The following HPSE2 variants were observed in gnomAD, a reference collection of about 807,000 sequenced individuals.
HPSE2 encodes heparanase 2 (inactive), also known as inactive heparanase-2.
Under a neutral mutation model 60.5 loss-of-function variants are expected in HPSE2, and 38 were observed. The observed-to-expected ratio is 0.63, with a 90% CI of 0.48 to 0.82. The LOEUF (loss-of-function observed/expected upper bound fraction) is 0.82, where lower values mean the gene tolerates loss of function less well. HPSE2 is among the 40% of genes least tolerant of loss of function. The pLI is 0.00. For missense variants in HPSE2, 713 were observed against 740.4 expected, an observed-to-expected ratio of 0.96 and a Z score of 0.43; for synonymous variants, 295 against 293.2, an observed-to-expected ratio of 1.01 and a Z score of -0.06.
At chr10:99,077,369 G>A (rs1391777545) in intron 3 of HPSE2, among the ~76,000 whole-genome samples, 1 of 152,068 alleles carries the variant, frequency 6.6e-6, no homozygotes, top group Admixed American at 6.6e-5. Context: ...CTTTCATGGA[G>A]TTCCATAAGT....
chr10:99,265,303 C>T, the HPSE2 span, among the ~76,000 whole-genome samples: 1 of 152,192 alleles, frequency 6.6e-6, no homozygotes, highest in Non-Finnish European at 1.5e-5. Context: ...GGACTCAGTC[C>T]ACCTGCACCC....
rs1564832912 is a variant in HPSE2, at chr10:99,132,204, AG to A, written c.610+12033del. On this transcript the variant is annotated intron_variant, in intron 3 of 11. Coordinates refer to ENST00000370552, the MANE Select transcript of HPSE2 (RefSeq NM_021828.5). ...AAGAAAGAAAGAAAGAGAGAGAGAG[AG>A]AGAGAGAGAGAGAGAGAGAGAGAGA... 1.6e-3 allele frequency among the ~76,000 whole-genome samples: 33 copies of A among 21,286 alleles called. 1 individual carries two copies. The highest frequency in any genetic ancestry group is 3.6e-3 in the South Asian group (1 of 274). 14.0% of individuals were successfully genotyped at this position (21,286 alleles called of 152,430 possible).
At chr10:99,158,906 T>G (rs1302910435) in intron 2 of HPSE2, among the ~76,000 whole-genome samples, 1 of 152,044 alleles carries the variant, frequency 6.6e-6, no homozygotes, top group Non-Finnish European at 1.5e-5. Flanking sequence ...ATAAATTCAA[T>G]CATATTAATA....
In HPSE2 at chr10:98,851,520, C is replaced by G. The variant is rs143452292; in HGVS notation, c.611-107464G>C. Among the ~76,000 whole-genome samples, 830 of 152,328 alleles carry G rather than the reference C, an allele frequency of 5.4e-3. 6 individuals are homozygous for G. The highest frequency in any genetic ancestry group is 0.019 in the African/African-American group (794 of 41,570). On this transcript the variant is annotated intron_variant, in intron 3 of 11. Transcript: ENST00000370552. ...GATTCTTCTGCTTTTCTTCTTTCTA[C>G]AAAGAGCAAATGTCTGTCACATAGA...
rs936703810 is a variant in HPSE2 at position 98,816,438 on chromosome 10, C to A, written c.611-72382G>T. On this transcript the variant is annotated intron_variant, in intron 3 of 11. Transcript: ENST00000370552. ...TAAATAGATTTAAAGTATTTTATGG[C>A]CCTTGTGTTGTCGAGTACATTATAA... Among the ~76,000 whole-genome samples, 6 of 151,948 alleles carry A rather than the reference C, an allele frequency of 3.9e-5. No homozygotes were observed. In the South Asian group the frequency reaches 8.3e-4, roughly 21 times the overall value.
chr10:99,160,666 G>A (rs1401438502), intron 2 of HPSE2, among the ~76,000 whole-genome samples: 6 of 151,934 alleles, frequency 3.9e-5, no homozygotes, highest in Non-Finnish European at 5.9e-5. Context: ...TTGGGAGGCC[G>A]AGGCGGGCGG....
intron 9 of HPSE2, among the ~76,000 whole-genome samples, chr10:98,544,375 G>A (rs1228490602): frequency 1.3e-5 from 2 of 152,164 alleles, no homozygotes; most frequent in Non-Finnish European, 2.9e-5. Context: ...ACAAGAGAAA[G>A]CAGGAAAGAT....
intron 3 of HPSE2, among the ~76,000 whole-genome samples, chr10:99,097,978 T>C (rs1208985635): frequency 1.3e-5 from 2 of 152,206 alleles, no homozygotes; most frequent in African/African-American, 4.8e-5. Context: ...CTATAACTTA[T>C]TTTTGAAGGT....
intron 5 of HPSE2, among the ~76,000 whole-genome samples, chr10:98,698,619 A>C (rs1178938983): frequency 1.3e-5 from 2 of 152,140 alleles, no homozygotes; most frequent in Non-Finnish European, 1.5e-5. Context: ...AAGCTAGCAG[A>C]AGGCAAGAAA....
the HPSE2 span, among the ~76,000 whole-genome samples, chr10:99,251,337 T>C: frequency 6.6e-6 from 1 of 152,124 alleles, no homozygotes; most frequent in African/African-American, 2.4e-5. Context: ...TTCAGAAATG[T>C]AATTAGTAAT....
At chr10:98,525,544 A>G (rs556444714) in intron 9 of HPSE2, among the ~76,000 whole-genome samples, 14 of 152,380 alleles carry the variant, frequency 9.2e-5, no homozygotes, top group Admixed American at 8.5e-4. Flanking sequence ...GAAAAGCTAC[A>G]GAAGAGAAAA....
At chr10:99,069,723 T>C (rs1379745013) in intron 3 of HPSE2, among the ~76,000 whole-genome samples, 1 of 151,780 alleles carries the variant, frequency 6.6e-6, no homozygotes, top group Non-Finnish European at 1.5e-5. Context: ...TCACATCTAG[T>C]ATTTACTTAG....
At chr10:99,189,787 G>A (rs1057106147) in intron 2 of HPSE2, among the ~76,000 whole-genome samples, 6 of 152,154 alleles carry the variant, frequency 3.9e-5, no homozygotes, top group Non-Finnish European at 7.3e-5. Context: ...AGGGAACAGT[G>A]CATCTCTTAT....
At position 98,949,791 on chromosome 10, in the gene HPSE2, C is replaced by T. The variant is rs533551223; in HGVS notation, c.610+194447G>A. Among the ~76,000 whole-genome samples the T allele has an allele frequency of 5.9e-5, 9 of 152,146 alleles. No homozygotes were observed. The East Asian group carries it at 1.2e-3, about 20-fold the overall frequency. On this transcript the variant is annotated intron_variant, in intron 3 of 11. Coordinates refer to ENST00000370552, the MANE Select transcript of HPSE2 (RefSeq NM_021828.5). ...TAAGTAAGATTATGAAGTCAGTTAG[C>T]GTTGGCCTGGAAGCACATGTGTTTT...
At chr10:98,957,308 C>T (rs972620576) in intron 3 of HPSE2, among the ~76,000 whole-genome samples, 2 of 152,138 alleles carry the variant, frequency 1.3e-5, no homozygotes, top group African/African-American at 4.8e-5. Context: ...TTGTAAGTCC[C>T]TATTAAATGT....
At chr10:98,906,706 C>A (rs1953826658) in intron 3 of HPSE2, among the ~76,000 whole-genome samples, 1 of 152,068 alleles carries the variant, frequency 6.6e-6, no homozygotes, top group Non-Finnish European at 1.5e-5. Context: ...GAGATCGAGA[C>A]CATTCTGGTC....
At chr10:98,739,094 T>C (rs1589741138) in intron 4 of HPSE2, among the ~76,000 whole-genome samples, 2 of 152,172 alleles carry the variant, frequency 1.3e-5, no homozygotes, top group South Asian at 4.2e-4. Flanking sequence ...AGTGATAGAC[T>C]AGAAAAAGAG....
At chr10:99,047,767 A>G (rs1258612262) in intron 3 of HPSE2, 1 of 836,902 alleles carries the variant, frequency 1.2e-6, no homozygotes, top group Admixed American at 1.7e-5. Context: ...GGATGCTTCA[A>G]AAGGCAAGAA....
chr10:98,551,171 G>T (rs954065199), intron 9 of HPSE2, among the ~76,000 whole-genome samples: 2 of 152,134 alleles, frequency 1.3e-5, no homozygotes, highest in Non-Finnish European at 2.9e-5. Flanking sequence ...TTGTTGGGAA[G>T]CTTGATCTTT....
Sources: allele counts gnomAD v4.1 joint callset (sites outside exome capture counted in the v4.1 genomes callset), GRCh38; gene constraint gnomAD v4.1.1; transcripts MANE v1.5; gene names NCBI Gene and HGNC (gene_info 2026-07-23, HGNC 2026-07-21).